NOVA1: variants seen among roughly 807,000 people sequenced by gnomAD.
The protein encoded by NOVA1 is NOVA alternative splicing regulator 1, also known as RNA-binding protein Nova-1.
Under a neutral mutation model 38.0 loss-of-function variants are expected in NOVA1, and 7 were observed. The observed-to-expected ratio is 0.18, with a 90% confidence interval of 0.10 to 0.35. The LOEUF is 0.35. Ranked by LOEUF, NOVA1 falls within the 10% of genes least tolerant of loss-of-function variation. NOVA1 has a pLI of 1.00. For synonymous variants in NOVA1, 270 were observed against 232.5 expected (o/e 1.16, Z -1.47); for missense variants, 460 against 616.0 (o/e 0.75, Z 2.68).
At chr14:26,516,858 A>T (rs559069754) in intron 2 of NOVA1, among the ~76,000 whole-genome samples, 1 of 151,680 alleles carries the variant, frequency 6.6e-6, no homozygotes, top group African/African-American at 2.4e-5. Context: ...ATTATGGCCT[A>T]CAATGGCCTT....
intron 2 of NOVA1, among the ~76,000 whole-genome samples, chr14:26,567,074 C>A (rs1428093061): frequency 6.6e-6 from 1 of 152,020 alleles, no homozygotes; most frequent in Non-Finnish European, 1.5e-5. Flanking sequence ...TGCCTTCAAT[C>A]AAACTCACCT....
At chr14:26,506,839 C>T (rs1023110351) in intron 2 of NOVA1, among the ~76,000 whole-genome samples, 11 of 152,170 alleles carry the variant, frequency 7.2e-5, no homozygotes, top group Non-Finnish European at 1.2e-4. Context: ...CTCTGCCTCC[C>T]AAAGTGCTGG....
At chr14:26,552,890 T>C (rs550344660) in intron 2 of NOVA1, among the ~76,000 whole-genome samples, 1 of 152,288 alleles carries the variant, frequency 6.6e-6, no homozygotes, top group East Asian at 1.9e-4. Context: ...CACATACAGA[T>C]GGCAGATGGT....
intron 4 of NOVA1, among the ~76,000 whole-genome samples, chr14:26,463,527 T>C (rs1391510079): frequency 2.6e-5 from 4 of 152,166 alleles, no homozygotes; most frequent in Non-Finnish European, 5.9e-5. Flanking sequence ...CATTTTTATA[T>C]TGGGTTTTCA....
intron 2 of NOVA1, among the ~76,000 whole-genome samples, chr14:26,513,889 T>C: frequency 6.6e-6 from 1 of 151,654 alleles, no homozygotes; most frequent in East Asian, 1.9e-4. Context: ...AAATACACAA[T>C]AGGTAGCATT....
At chr14:26,499,292 T>C (rs950235757) in intron 2 of NOVA1, among the ~76,000 whole-genome samples, 20 of 152,150 alleles carry the variant, frequency 1.3e-4, no homozygotes, top group African/African-American at 4.8e-4. Context: ...TTATGTCGTA[T>C]ACCTTAACTA....
chr14:26,484,250 C>G (rs1460039903), intron 2 of NOVA1, among the ~76,000 whole-genome samples: 1 of 151,144 alleles, frequency 6.6e-6, no homozygotes, highest in African/African-American at 2.4e-5. Flanking sequence ...CTGGCTAACA[C>G]GGTGAAACCC....
At chr14:26,572,236 ATGT>A (rs1194997212) in intron 2 of NOVA1, among the ~76,000 whole-genome samples, 3 of 152,334 alleles carry the variant, frequency 2.0e-5, no homozygotes, top group Admixed American at 6.5e-5. Flanking sequence ...TTCAAGGTAC[ATGT>A]TGTGAGTAAA....
intron 4 of NOVA1, among the ~76,000 whole-genome samples, chr14:26,455,980 A>C (rs570220897): frequency 6.6e-6 from 1 of 152,022 alleles, no homozygotes; most frequent in East Asian, 1.9e-4. Context: ...AAGGCTTATA[A>C]GCCTTCATCA....
chr14:26,574,105 A>G (rs1448141080), intron 2 of NOVA1, among the ~76,000 whole-genome samples: 3 of 146,276 alleles, frequency 2.1e-5, no homozygotes, highest in Admixed American at 7.0e-5. Flanking sequence ...AGCTCACTGC[A>G]ACCTCTGCCA....
At chr14:26,559,082 T>TA (rs904584159) in intron 2 of NOVA1, among the ~76,000 whole-genome samples, 6 of 151,040 alleles carry the variant, frequency 4.0e-5, no homozygotes, top group African/African-American at 7.3e-5. Flanking sequence ...CCTTTAAAGT[T>TA]AAAAAAAAAG....
intron 2 of NOVA1, among the ~76,000 whole-genome samples, chr14:26,586,966 T>A (rs1594586229): frequency 3.5e-5 from 5 of 142,340 alleles, no homozygotes; most frequent in South Asian, 2.2e-4. Flanking sequence ...AGAGAGGAGG[T>A]AAGGACTTAC....
At chr14:26,493,890 C>T (rs1594397148) in intron 2 of NOVA1, among the ~76,000 whole-genome samples, 1 of 152,296 alleles carries the variant, frequency 6.6e-6, no homozygotes, top group Non-Finnish European at 1.5e-5. Flanking sequence ...TTCACTACCC[C>T]TGCTCCTCCC....
At chr14:26,554,091 C>A (rs1464084129) in intron 2 of NOVA1, among the ~76,000 whole-genome samples, 2 of 145,750 alleles carry the variant, frequency 1.4e-5, no homozygotes, top group Non-Finnish European at 3.0e-5. Context: ...AGAGGCTGCA[C>A]TGAGCCAAGA....
intron 2 of NOVA1, among the ~76,000 whole-genome samples, chr14:26,575,104 C>G (rs893298864): frequency 1.3e-5 from 2 of 152,184 alleles, no homozygotes; most frequent in African/African-American, 4.8e-5. Context: ...CATGTAATAA[C>G]TGCAGATTTA....
intron 2 of NOVA1, among the ~76,000 whole-genome samples, chr14:26,482,856 T>C (rs968626983): frequency 1.3e-5 from 2 of 152,046 alleles, no homozygotes; most frequent in Non-Finnish European, 2.9e-5. Context: ...GGCACCACCA[T>C]GCCTGGCTAA....
intron 2 of NOVA1, among the ~76,000 whole-genome samples, chr14:26,574,023 CTTT>C (rs780944723): frequency 4.2e-4 from 51 of 121,052 alleles, no homozygotes; most frequent in Admixed American, 3.4e-3. Context: ...AAAGATTACA[CTTT>C]TTTTTTTTTT....
chr14:26,581,667 T>C (rs1309530889), intron 2 of NOVA1, among the ~76,000 whole-genome samples: 3 of 151,976 alleles, frequency 2.0e-5, no homozygotes, highest in Admixed American at 2.0e-4. Flanking sequence ...AGGATTTACA[T>C]ATGAATTGGA....
At chr14:26,524,031 G>A (rs568078770) in intron 2 of NOVA1, among the ~76,000 whole-genome samples, 237 of 152,204 alleles carry the variant, frequency 1.6e-3, no homozygotes, top group African/African-American at 5.2e-3. Flanking sequence ...AATTATAGGC[G>A]GGAGCCACCA....
Sources: gnomAD v4.1 joint callset for allele counts (sites outside exome capture counted in the v4.1 genomes callset) on GRCh38, gnomAD v4.1.1 for gene constraint, MANE v1.5 for transcripts, NCBI Gene and HGNC (gene_info 2026-07-23, HGNC 2026-07-21) for gene names.